CNTNAP2: variants seen among roughly 807,000 people sequenced by gnomAD.
CNTNAP2 encodes contactin associated protein 2, also known as contactin-associated protein-like 2.
CNTNAP2 carries 98 observed loss-of-function variants against 155.2 expected under a neutral mutation model. That is an observed-to-expected ratio of 0.63 (90% CI 0.54 to 0.75). CNTNAP2 has a LOEUF of 0.75. Among genes scored for constraint, CNTNAP2 ranks in the 30% least tolerant of loss-of-function variants. The pLI, the probability that CNTNAP2 is intolerant of heterozygous loss-of-function variation, is 0.00. For missense variants in CNTNAP2, 1,727 were observed against 1,688.1 expected (o/e 1.02, Z -0.40); for synonymous variants, 651 against 631.2 (o/e 1.03, Z -0.47).
In CNTNAP2 at chr7:147,360,132, A is replaced by G. The variant is rs367721081; in HGVS notation, c.1499-35477A>G. Among the ~76,000 whole-genome samples the G allele has an allele frequency of 8.5e-5, 13 of 152,156 alleles. No individual in the cohort carries two copies. The East Asian group carries it at 9.6e-4, about 11-fold the overall frequency. Reference sequence around the variant, plus strand: ...ATACACCACTACTAGTATTCAAAACATCTTGTTTATGCATGGCTTCAAGCT... The same window carrying G: ...ATACACCACTACTAGTATTCAAAACGTCTTGTTTATGCATGGCTTCAAGCT... On this transcript the variant is annotated intron_variant, in intron 9 of 23. Transcript: ENST00000361727.
chr7:146,198,029 T>A (rs918936519), intron 1 of CNTNAP2, among the ~76,000 whole-genome samples: 1 of 151,828 alleles, frequency 6.6e-6, no homozygotes, highest in Non-Finnish European at 1.5e-5. Context: ...AACAACCAGA[T>A]CTCATGAGAA....
intron 13 of CNTNAP2, among the ~76,000 whole-genome samples, chr7:147,763,858 T>A (rs1236934666): frequency 6.6e-6 from 1 of 151,912 alleles, no homozygotes; most frequent in South Asian, 2.1e-4. Flanking sequence ...CAAAACAGAG[T>A]TCAGAGGATG....
chr7:147,480,801 G>A lies in CNTNAP2; in HGVS notation c.1671-5134G>A, dbSNP rs557544615. Among the ~76,000 whole-genome samples, 110 of 152,300 alleles carry A rather than the reference G, an allele frequency of 7.2e-4. 1 individual carries two copies. The highest frequency in any genetic ancestry group is 4.3e-3 in the Admixed American group (66 of 15,302). On this transcript the variant is annotated intron_variant, in intron 10 of 23. Transcript: ENST00000361727. ...CTGCAGAGAAGTGCGATGCGCTAGAGCCTTGCTATTCCAACCGTGGTTCTC... is the reference window on the plus strand; with the variant it reads ...CTGCAGAGAAGTGCGATGCGCTAGAACCTTGCTATTCCAACCGTGGTTCTC...
chr7:147,760,732 A>T (rs1413132759), intron 13 of CNTNAP2, among the ~76,000 whole-genome samples: 1 of 152,146 alleles, frequency 6.6e-6, no homozygotes, highest in South Asian at 2.1e-4. Context: ...TTGTTCATCA[A>T]TCCATTAATT....
At chr7:146,199,995 C>T (rs1798834102) in intron 1 of CNTNAP2, among the ~76,000 whole-genome samples, 1 of 152,034 alleles carries the variant, frequency 6.6e-6, no homozygotes, top group Admixed American at 6.6e-5. Context: ...CAATGAAGTC[C>T]GAAAATTAGT....
chr7:147,296,694 T>C (rs1032613905), intron 8 of CNTNAP2, among the ~76,000 whole-genome samples: 1 of 152,158 alleles, frequency 6.6e-6, no homozygotes, highest in South Asian at 2.1e-4. Flanking sequence ...CCCTGATATA[T>C]GAATATGGGT....
At chr7:147,723,832 C>G (rs150429858) in intron 13 of CNTNAP2, among the ~76,000 whole-genome samples, 146 of 152,102 alleles carry the variant, frequency 9.6e-4, no homozygotes, top group African/African-American at 3.3e-3. Flanking sequence ...ACGATCAAGT[C>G]AGGGTATTTA....
At chr7:147,381,863 C>A in intron 9 of CNTNAP2, among the ~76,000 whole-genome samples, 1 of 151,628 alleles carries the variant, frequency 6.6e-6, no homozygotes, top group South Asian at 2.1e-4. Context: ...AGATGGGAAA[C>A]CCACAAATAC....
intron 1 of CNTNAP2, among the ~76,000 whole-genome samples, chr7:146,362,631 A>G (rs61445650): frequency 1.3e-5 from 2 of 151,976 alleles, no homozygotes; most frequent in Non-Finnish European, 1.5e-5. Flanking sequence ...GTGTCAGGTC[A>G]TGTAAGGCCT....
chr7:148,411,454 C>T (rs1200144906), intron 23 of CNTNAP2, among the ~76,000 whole-genome samples: 2 of 151,998 alleles, frequency 1.3e-5, no homozygotes, highest in Non-Finnish European at 2.9e-5. Flanking sequence ...TTAGTAGAGA[C>T]AGGATTGTAC....
chr7:146,498,390 C>A (rs1584952182), intron 1 of CNTNAP2, among the ~76,000 whole-genome samples: 1 of 152,110 alleles, frequency 6.6e-6, no homozygotes, highest in Admixed American at 6.5e-5. Context: ...TTCTACAGAG[C>A]ACTCCATTTT....
intron 1 of CNTNAP2, among the ~76,000 whole-genome samples, chr7:146,127,019 A>T (rs879653776): frequency 2.1e-4 from 32 of 151,998 alleles, no homozygotes; most frequent in Admixed American, 9.2e-4. Context: ...CAAAACACAA[A>T]TCTTGTTATA....
At chr7:147,346,241 G>A (rs1431443751) in intron 9 of CNTNAP2, among the ~76,000 whole-genome samples, 4 of 149,704 alleles carry the variant, frequency 2.7e-5, no homozygotes, top group Non-Finnish European at 1.5e-5. Flanking sequence ...TGCAAGCTCC[G>A]CTTCCCGGGT....
intron 9 of CNTNAP2, among the ~76,000 whole-genome samples, chr7:147,329,145 C>T (rs908666458): frequency 6.6e-6 from 1 of 150,626 alleles, no homozygotes; most frequent in Admixed American, 6.6e-5. Flanking sequence ...AGCACCCCCC[C>T]ACACACACAC....
At chr7:147,131,217 C>T (rs1346062637) in intron 7 of CNTNAP2, among the ~76,000 whole-genome samples, 4 of 150,566 alleles carry the variant, frequency 2.7e-5, no homozygotes, top group Non-Finnish European at 5.9e-5. Context: ...TATACATATA[C>T]ATATACCATA....
At chr7:146,129,691 T>C (rs536936866) in intron 1 of CNTNAP2, among the ~76,000 whole-genome samples, 1 of 152,332 alleles carries the variant, frequency 6.6e-6, no homozygotes, top group African/African-American at 2.4e-5. Context: ...GTTTAAAAAT[T>C]GCCATTTAAT....
intron 13 of CNTNAP2, among the ~76,000 whole-genome samples, chr7:147,735,045 A>T: frequency 6.8e-6 from 1 of 146,102 alleles, no homozygotes; most frequent in South Asian, 2.2e-4. Flanking sequence ...GATCTTAGTT[A>T]TTTTTTGCCT....
chr7:146,994,052 G>A (rs1798258916), intron 3 of CNTNAP2, among the ~76,000 whole-genome samples: 2 of 152,004 alleles, frequency 1.3e-5, no homozygotes, highest in Admixed American at 1.3e-4. Flanking sequence ...AAAGTGGGTG[G>A]GGTACTCACT....
At chr7:147,632,206 A>G (rs1795097664) in intron 12 of CNTNAP2, among the ~76,000 whole-genome samples, 1 of 152,152 alleles carries the variant, frequency 6.6e-6, no homozygotes, top group South Asian at 2.1e-4. Context: ...GTACAAATGG[A>G]CAACAAACAT....
Sources: gnomAD v4.1 joint callset for allele counts (sites outside exome capture counted in the v4.1 genomes callset) on GRCh38, gnomAD v4.1.1 for gene constraint, MANE v1.5 for transcripts, NCBI Gene and HGNC (gene_info 2026-07-23, HGNC 2026-07-21) for gene names.